OTUB1: variants seen among roughly 807,000 people sequenced by gnomAD.
The protein encoded by OTUB1 is ubiquitin thioesterase OTUB1.
A neutral mutation model predicts 35.8 loss-of-function variants in OTUB1; 10 were observed. The ratio of observed to expected loss-of-function variants is 0.28; its 90% CI spans 0.17 to 0.47. The LOEUF (loss-of-function observed/expected upper bound fraction) is 0.47, where lower values mean the gene tolerates loss of function less well. OTUB1 is among the 20% of genes least tolerant of loss of function. The probability of loss-of-function intolerance (pLI) is 0.99; values close to 1 mark genes in which losing one functional copy is unlikely to be tolerated. For missense variants in OTUB1, 264 were observed against 351.6 expected, an observed-to-expected ratio of 0.75 and a Z score of 1.99; for synonymous variants, 158 against 143.8, an observed-to-expected ratio of 1.10 and a Z score of -0.71.
At chr11:63,986,570 G>T in intron 1 of OTUB1, 56 bp downstream of exon 1, 2 of 1,476,500 alleles carry the variant, frequency 1.4e-6, no homozygotes, top group Non-Finnish European at 1.8e-6. Flanking sequence ...TGCCGGGCCA[G>T]CTGCTCCCGA....
rs375390363 is a variant in OTUB1, at chr11:63,988,215, T to TA, written c.59-121dup. 550 of 733,456 alleles carry TA rather than the reference T, an allele frequency of 7.5e-4. 3 individuals carry two copies. The East Asian group carries it at 0.015, about 20-fold the overall frequency. 45.4% of individuals were successfully genotyped at this position (733,456 alleles called of 1,614,324 possible). Reference sequence around the variant, plus strand: ...GCTTGCATCTGGGACATCTGTAACATACCTGCTTCCAGATTCTAAGCCTGT... The same window carrying TA: ...GCTTGCATCTGGGACATCTGTAACATAACCTGCTTCCAGATTCTAAGCCTGT... On this transcript the variant is annotated intron_variant, in intron 1 of 6. Transcript: ENST00000538426.
chr11:63,992,743 G>C (rs964984374), intron 3 of OTUB1, among the ~76,000 whole-genome samples: 1 of 152,122 alleles, frequency 6.6e-6, no homozygotes, highest in South Asian at 2.1e-4. Flanking sequence ...TAGAGGTGGG[G>C]TTTCACCATA....
In OTUB1 at chr11:63,998,236, A is replaced by G; in HGVS notation, c.*690A>G. On this transcript the variant is annotated 3_prime_UTR_variant, in exon 7 of 7. Coordinates refer to ENST00000538426, the MANE Select transcript of OTUB1 (RefSeq NM_017670.3). ...GGTTCTCCACCTCCCCATCCGCCCC[A>G]GGCCCCCTGCCTGTGCCTGCCTTGC... 1 of 181,298 alleles carries G rather than the reference A, an allele frequency of 5.5e-6. No homozygotes were observed. 11.2% of individuals were successfully genotyped at this position (181,298 alleles called of 1,614,324 possible). A position where few individuals can be genotyped will look rare whatever the true frequency, so the allele number is the denominator to read the frequency against.
chr11:63,996,274 C>A (rs1292037236), intron 3 of OTUB1, among the ~76,000 whole-genome samples: 1 of 152,162 alleles, frequency 6.6e-6, no homozygotes, highest in Non-Finnish European at 1.5e-5. Context: ...TCCTGTAGGC[C>A]CCGCAGAACT....
intron 3 of OTUB1, among the ~76,000 whole-genome samples, chr11:63,994,333 A>G (rs3019784): frequency 0.02 from 3,107 of 152,142 alleles, 106 homozygotes; most frequent in African/African-American, 0.069. Context: ...GCTCACTGCA[A>G]TCTCCACCTC....
chr11:63,992,990 C>T (rs112021439), intron 3 of OTUB1, among the ~76,000 whole-genome samples: 2,418 of 152,360 alleles, frequency 0.016, 64 homozygotes, highest in African/African-American at 0.053. Context: ...CAAGCCGACC[C>T]TGGCCATTCT....
chr11:63,994,132 GAAAAA>G (rs558164466), intron 3 of OTUB1, among the ~76,000 whole-genome samples: 2 of 147,596 alleles, frequency 1.4e-5, no homozygotes, highest in Non-Finnish European at 3.0e-5. Flanking sequence ...TCTCAGAAAA[GAAAAA>G]AAAAAGAAAA....
rs1468119825 is a variant in OTUB1, at chr11:63,988,686, G to C, written c.153G>C (p.Arg51=). Reference sequence around the variant, plus strand: ...TGCAGAACCCTCTGGTGTCAGAGCGGCTGGAGCTCTCGGTCCTATACAAGG... The same window carrying C: ...TGCAGAACCCTCTGGTGTCAGAGCGCCTGGAGCTCTCGGTCCTATACAAGG... ...IAVQNPLVSE[R]LELSVLYKEY... The change falls in exon 3 of 7, where the codon CGG becomes CGC. Residue 51 remains arginine, a synonymous_variant. Coordinates refer to ENST00000538426, the MANE Select transcript of OTUB1 (RefSeq NM_017670.3). The C allele has an allele frequency of 1.2e-6, 2 of 1,613,400 alleles. No individual in the cohort carries two copies. The highest frequency in any genetic ancestry group is 1.7e-6 in the Non-Finnish European group (2 of 1,179,740).
At chr11:63,988,570 C>T (rs112636655) in intron 2 of OTUB1, 84 bp from the exon 3 acceptor site, 4 of 1,287,058 alleles carry the variant, frequency 3.1e-6, no homozygotes, top group African/African-American at 1.5e-5. Context: ...GTGACCAGCC[C>T]AGCTCTTTTG....
chr11:63,993,972 C>A (rs1413605765), intron 3 of OTUB1, among the ~76,000 whole-genome samples: 2 of 152,042 alleles, frequency 1.3e-5, no homozygotes, highest in Non-Finnish European at 2.9e-5. Flanking sequence ...ACAAAAAATA[C>A]AACAATTAAA....
chr11:63,997,155 C>A lies in OTUB1; in HGVS notation c.529C>A (p.Leu177Met). The A allele has an allele frequency of 1.9e-6, 3 of 1,614,236 alleles. No homozygotes were observed. The highest frequency in any genetic ancestry group is 1.7e-6 in the Non-Finnish European group (2 of 1,180,032). Residue 177 changes from leucine (L) to methionine (M), a missense_variant, in exon 6 of 7, where the codon CTG becomes ATG. By Grantham distance (15) the Leu-to-Met change is conservative. Around this residue, in one of 2 missense-constraint regions of OTUB1, gnomAD observed 214 missense variants for 317.1 expected, o/e 0.67. Coordinates refer to ENST00000538426, the MANE Select transcript of OTUB1 (RefSeq NM_017670.3). ...TSDYLVVYLR[L>M]LTSGYLQRES... is the part of the protein sequence containing the mutation. The stretch of plus-strand genomic sequence containing the variant: ...CGACTACCTTGTGGTCTACCTGCGG[C>A]TGCTCACCTCGGGCTACCTGCAGCG...
At position 63,989,251 on chromosome 11, in the gene OTUB1, C is replaced by T. The variant is rs546563800; in HGVS notation, c.219+499C>T. The T allele has an allele frequency of 1.2e-3, 183 of 149,276 alleles. 1 individual carries two copies. Among genetic ancestry groups the T allele is most frequent in the Middle Eastern group, 3.7e-3 (1 of 272 alleles). The allele number at this position is 149,276 out of a possible 1,614,324, so 9.2% of individuals were successfully genotyped here. A position where few individuals can be genotyped will look rare whatever the true frequency, so the allele number is the denominator to read the frequency against. Reference sequence around the variant, plus strand: ...AGGAGAATTGCTTGAATCCGGGAGGCGGAGGTTGCAGTGAGCCAAGATTGC... The same window carrying T: ...AGGAGAATTGCTTGAATCCGGGAGGTGGAGGTTGCAGTGAGCCAAGATTGC... On this transcript the variant is annotated intron_variant, in intron 3 of 6. Coordinates refer to ENST00000538426, the MANE Select transcript of OTUB1 (RefSeq NM_017670.3).
At chr11:63,995,823 GC>G (rs1441922863) in intron 3 of OTUB1, among the ~76,000 whole-genome samples, 1 of 152,072 alleles carries the variant, frequency 6.6e-6, no homozygotes, top group Non-Finnish European at 1.5e-5. Context: ...AGGGGAGGGT[GC>G]CCAGGCCAGG....
intron 1 of OTUB1, chr11:63,986,880 C>A (rs879314965): frequency 3.5e-5 from 8 of 225,368 alleles, no homozygotes; most frequent in Non-Finnish European, 2.6e-5. Flanking sequence ...CAGGGCCGAG[C>A]CCCCCGGCCT....
intron 4 of OTUB1, 30 bp from the exon 5 acceptor site, chr11:63,996,827 G>A (rs1565186666): frequency 1.9e-6 from 3 of 1,613,904 alleles, no homozygotes; most frequent in East Asian, 4.5e-5. Flanking sequence ...AGGAGCCCAT[G>A]CTGGGCCCGC....
At chr11:63,996,764 T>C (rs749104424) in intron 4 of OTUB1, 93 bp from the exon 5 acceptor site, 5 of 1,609,786 alleles carry the variant, frequency 3.1e-6, no homozygotes, top group Non-Finnish European at 4.2e-6. Context: ...GGCTGGACTC[T>C]GGCCTTGCCA....
chr11:63,994,588 C>T (rs571946528), intron 3 of OTUB1, among the ~76,000 whole-genome samples: 67 of 152,304 alleles, frequency 4.4e-4, no homozygotes, highest in African/African-American at 1.4e-3. Flanking sequence ...CACCATGTCT[C>T]GAAGGGTGCT....
intron 3 of OTUB1, among the ~76,000 whole-genome samples, chr11:63,992,086 G>A (rs1052008329): frequency 3.9e-5 from 6 of 152,018 alleles, no homozygotes; most frequent in Non-Finnish European, 8.8e-5. Context: ...GTGTGGTGGC[G>A]CATCCCTGTA....
At chr11:63,992,773 A>G (rs931939559) in intron 3 of OTUB1, among the ~76,000 whole-genome samples, 3 of 146,394 alleles carry the variant, frequency 2.0e-5, no homozygotes, top group Admixed American at 2.0e-4. Context: ...CTGGTCTTGA[A>G]CTCCTGACCT....
Sources: allele counts gnomAD v4.1 joint callset (sites outside exome capture counted in the v4.1 genomes callset), GRCh38; gene constraint gnomAD v4.1.1; regional missense constraint gnomAD v4.1.1; transcripts MANE v1.5; gene names NCBI Gene and HGNC (gene_info 2026-07-23, HGNC 2026-07-21).